FNDC3B: variants seen among roughly 807,000 people sequenced by gnomAD.
FNDC3B encodes fibronectin type III domain containing 3B.
Under a neutral mutation model 151.5 loss-of-function variants are expected in FNDC3B, and 12 were observed. The ratio of observed to expected loss-of-function variants is 0.08; its 90% confidence interval spans 0.05 to 0.13. The LOEUF (loss-of-function observed/expected upper bound fraction) is 0.13. FNDC3B is among the 10% of genes least tolerant of loss of function. FNDC3B has a pLI of 1.00. For missense variants in FNDC3B, 1,214 were observed against 1,505.3 expected (o/e 0.81, Z 3.20); for synonymous variants, 528 against 549.0 (o/e 0.96, Z 0.54).
At chr3:172,042,689 C>T (rs959695572) in intron 1 of FNDC3B, among the ~76,000 whole-genome samples, 7 of 152,094 alleles carry the variant, frequency 4.6e-5, no homozygotes, top group Non-Finnish European at 7.4e-5. Context: ...CATAAGATCA[C>T]GTAGCTACCA....
At chr3:172,310,714 C>T (rs1731429785) in intron 10 of FNDC3B, 114 bp from the exon 11 acceptor site, 2 of 795,594 alleles carry the variant, frequency 2.5e-6, no homozygotes, top group African/African-American at 1.7e-5. Context: ...CAGCTTTATC[C>T]CCCTGAGGGG....
rs551769037 is a variant in FNDC3B, at chr3:172,196,711, G to A, written c.188-30160G>A. On this transcript the variant is annotated intron_variant, in intron 3 of 25. Transcript: ENST00000415807. ...AGAAGAGGGAGGGTCTAGAGGTTAA[G>A]GACAGCCCTCAAAGTCTTGTAATGT... Among the ~76,000 whole-genome samples, 3 of 152,196 alleles carry A rather than the reference G, an allele frequency of 2.0e-5. No individual in the cohort carries two copies. The East Asian group carries it at 5.8e-4, about 29-fold the overall frequency.
intron 1 of FNDC3B, among the ~76,000 whole-genome samples, chr3:172,066,038 A>T (rs1466796453): frequency 6.6e-6 from 1 of 152,254 alleles, no homozygotes; most frequent in Non-Finnish European, 1.5e-5. Flanking sequence ...CTTGGAATGT[A>T]GAGATACACC....
At chr3:172,286,030 T>C (rs1729991146) in intron 7 of FNDC3B, 46 bp downstream of exon 7, 2 of 1,467,410 alleles carry the variant, frequency 1.4e-6, no homozygotes, top group Admixed American at 2.0e-5. Flanking sequence ...TTTTAAAGTA[T>C]TTCAAATGTG....
intron 25 of FNDC3B, among the ~76,000 whole-genome samples, chr3:172,386,509 A>C (rs62281161): frequency 6.6e-6 from 1 of 152,132 alleles, no homozygotes; most frequent in Non-Finnish European, 1.5e-5. Context: ...TTGGGAGGCC[A>C]AGATGGGCGG....
intron 4 of FNDC3B, among the ~76,000 whole-genome samples, chr3:172,229,870 A>G (rs1217224915): frequency 6.6e-6 from 1 of 152,228 alleles, no homozygotes; most frequent in Non-Finnish European, 1.5e-5. Context: ...CTGAATGTGT[A>G]TTTAAAAGAG....
intron 3 of FNDC3B, among the ~76,000 whole-genome samples, chr3:172,143,259 T>G (rs1243240796): frequency 6.6e-6 from 1 of 152,206 alleles, no homozygotes; most frequent in African/African-American, 2.4e-5. Flanking sequence ...TTTAAGATAA[T>G]GAATACAGGC....
At chr3:172,255,183 A>G (rs1366975657) in intron 6 of FNDC3B, among the ~76,000 whole-genome samples, 2 of 152,182 alleles carry the variant, frequency 1.3e-5, no homozygotes, top group Non-Finnish European at 2.9e-5. Context: ...TTAAGCCAGA[A>G]GTGGCTTCCT....
At chr3:172,387,325 T>C (rs192334209) in intron 25 of FNDC3B, among the ~76,000 whole-genome samples, 215 of 152,202 alleles carry the variant, frequency 1.4e-3, no homozygotes, top group Middle Eastern at 3.4e-3. Flanking sequence ...CTCCAACTCC[T>C]AACCTCCAGT....
intron 11 of FNDC3B, chr3:172,317,111 T>G (rs34251104): frequency 0.13 from 58,655 of 445,028 alleles, 5,244 homozygotes; most frequent in East Asian, 0.32. Context: ...CCTTGTGACC[T>G]AATCACCTTT....
intron 3 of FNDC3B, among the ~76,000 whole-genome samples, chr3:172,174,945 C>CCCCCCCCCG (rs1553769250): frequency 1.3e-5 from 1 of 78,736 alleles, no homozygotes; most frequent in African/African-American, 4.1e-5. Context: ...CCCCCCCCCC[C>CCCCCCCCCG]CAATACAATT....
At chr3:172,223,551 G>A (rs1031252226) in intron 3 of FNDC3B, among the ~76,000 whole-genome samples, 2 of 152,100 alleles carry the variant, frequency 1.3e-5, no homozygotes, top group African/African-American at 4.8e-5. Context: ...ACAGTTTTAG[G>A]GGTCATGCCT....
chr3:172,328,978 G>T lies in FNDC3B; in HGVS notation c.1281G>T (p.Gln427His). ...GAAAAAGAAATAGTGGTTTCAGACA[G>T]TGCTTCTTCGGGAGCCAGAAGCACT... ...DEGKRNSGFR[Q>H]CFFGSQKHCK... The change falls in exon 12 of 26, where the codon CAG becomes CAT. Residue 427 changes from glutamine to histidine, a missense_variant. By Grantham distance (24) the Gln-to-His change is conservative. Coordinates refer to ENST00000415807, the MANE Select transcript of FNDC3B (RefSeq NM_022763.4). 6.2e-7 allele frequency: 1 copy of T among 1,612,862 alleles called. No homozygotes were observed. The highest frequency in any genetic ancestry group is 8.5e-7 in the Non-Finnish European group (1 of 1,179,384).
chr3:172,207,781 C>T (rs969899733), intron 3 of FNDC3B, among the ~76,000 whole-genome samples: 3 of 152,150 alleles, frequency 2.0e-5, no homozygotes, highest in African/African-American at 7.2e-5. Context: ...AACCCTGTCT[C>T]TACTAAAAAT....
intron 6 of FNDC3B, among the ~76,000 whole-genome samples, chr3:172,271,734 C>T (rs890078503): frequency 1.1e-4 from 16 of 152,188 alleles, no homozygotes; most frequent in South Asian, 4.1e-4. Context: ...GCCGTGCAGA[C>T]GTGGAGAGCC....
intron 1 of FNDC3B, among the ~76,000 whole-genome samples, chr3:172,065,728 G>A (rs1257962437): frequency 2.0e-5 from 3 of 152,250 alleles, no homozygotes; most frequent in African/African-American, 7.2e-5. Context: ...AGTAGCTCCA[G>A]ATGGTCAGAA....
rs1733312337 is a variant in FNDC3B at position 172,341,361 on chromosome 3, A to G, written c.1971+130A>G. On this transcript the variant is annotated intron_variant, in intron 17 of 25. Coordinates refer to ENST00000415807, the MANE Select transcript of FNDC3B (RefSeq NM_022763.4). ...GCAACCTAATAGTATCATGTCAGGA[A>G]ATGAAAAATAGAGCTTTCTGAATTG... is the stretch of plus-strand genomic sequence containing the variant. 4 of 736,180 alleles carry G rather than the reference A, an allele frequency of 5.4e-6. No individual in the cohort carries two copies. In the East Asian group the frequency reaches 1.0e-4, roughly 18 times the overall value. The allele number at this position is 736,180 out of a possible 1,614,324, so 45.6% of individuals were successfully genotyped here.
intron 1 of FNDC3B, among the ~76,000 whole-genome samples, chr3:172,100,728 T>C (rs1000939104): frequency 6.6e-6 from 1 of 152,216 alleles, no homozygotes; most frequent in African/African-American, 2.4e-5. Context: ...ATTTGCTTTA[T>C]GTTCGGTCAC....
chr3:172,391,411 G>A (rs1576972843), intron 25 of FNDC3B, among the ~76,000 whole-genome samples: 1 of 152,134 alleles, frequency 6.6e-6, no homozygotes, highest in Non-Finnish European at 1.5e-5. Flanking sequence ...TGAGATCACA[G>A]ACCTAGTAAG....
Sources: gnomAD v4.1 joint callset for allele counts (sites outside exome capture counted in the v4.1 genomes callset) on GRCh38, gnomAD v4.1.1 for gene constraint, MANE v1.5 for transcripts, NCBI Gene and HGNC (gene_info 2026-07-23, HGNC 2026-07-21) for gene names.